Variants in FGF13 observed in about 807,000 individuals in gnomAD.
FGF13 encodes the protein fibroblast growth factor homologous factor 2.
A neutral mutation model predicts 19.5 loss-of-function variants in FGF13; 2 were observed. That is an observed-to-expected ratio of 0.10 (90% CI 0.04 to 0.32). The LOEUF is 0.32. Among genes scored for constraint, FGF13 ranks in the 10% least tolerant of loss-of-function variants. The pLI is 1.00. For missense variants in FGF13, 113 were observed against 192.7 expected, an observed-to-expected ratio of 0.59 and a Z score of 2.45; for synonymous variants, 72 against 76.9, an observed-to-expected ratio of 0.94 and a Z score of 0.33.
chrX:138,812,615 G>C (rs2090934379), intron 3 of FGF13, among the ~76,000 whole-genome samples: 1 of 111,270 alleles, frequency 9.0e-6, no homozygotes, highest in South Asian at 3.8e-4. Flanking sequence ...TTAGACCAAT[G>C]TGATAATACA....
At chrX:138,739,636 G>A (rs752093379), upstream of FGF13, among the ~76,000 whole-genome samples, 3 of 111,957 alleles carry the variant, frequency 2.7e-5, no homozygotes, top group Middle Eastern at 4.6e-3. Context: ...GGATCCCTCA[G>A]CACATTAGAG....
chrX:139,123,273 A>C (rs2083691190), intron 1 of FGF13, among the ~76,000 whole-genome samples: 1 of 111,449 alleles, frequency 9.0e-6, no homozygotes, highest in African/African-American at 3.3e-5. Flanking sequence ...ACCTTCTAAA[A>C]GCTTCTTATT....
At chrX:138,839,812 C>CTAGAAAAA (rs1210724607) in intron 3 of FGF13, among the ~76,000 whole-genome samples, 2 of 111,726 alleles carry the variant, frequency 1.8e-5, no homozygotes, top group Non-Finnish European at 3.8e-5. Flanking sequence ...ATGTAAAAGC[C>CTAGAAAAA]ATCTGGCTTA....
At chrX:138,665,757 A>T (rs1464077093) in intron 3 of FGF13, among the ~76,000 whole-genome samples, 1 of 110,814 alleles carries the variant, frequency 9.0e-6, no homozygotes, top group Non-Finnish European at 1.9e-5. Context: ...GAAAGCCCCT[A>T]CCCTCATGTA....
chrX:138,755,768 G>A (rs889651206), intron 3 of FGF13, among the ~76,000 whole-genome samples: 2 of 112,144 alleles, frequency 1.8e-5, no homozygotes, highest in African/African-American at 6.5e-5. Context: ...GGAGACAAAG[G>A]TTCAGAGAGG....
At chrX:139,004,081 T>C (rs1421567629) in intron 1 of FGF13, among the ~76,000 whole-genome samples, 3 of 112,341 alleles carry the variant, frequency 2.7e-5, no homozygotes, top group Non-Finnish European at 3.8e-5. Context: ...CAGGGGGTGG[T>C]GCTCGTCGGG....
chrX:139,114,703 CATG>C (rs2083626975), intron 1 of FGF13, among the ~76,000 whole-genome samples: 1 of 111,847 alleles, frequency 8.9e-6, no homozygotes, highest in Admixed American at 9.5e-5. Flanking sequence ...AGTTAGTGCT[CATG>C]ATGTTTTCTC....
intron 1 of FGF13, among the ~76,000 whole-genome samples, chrX:139,187,901 C>A (rs147733716): frequency 0.012 from 1,341 of 112,026 alleles, 26 homozygotes; most frequent in African/African-American, 0.041. Flanking sequence ...GAATAATGTA[C>A]TTCCTTCCGT....
chrX:139,199,306 C>T (rs73243320), intron 1 of FGF13, among the ~76,000 whole-genome samples: 4,095 of 109,806 alleles, frequency 0.037, 83 homozygotes, highest in Non-Finnish European at 0.057. Context: ...CATGGTTTTT[C>T]CCCCCTCCTT....
chrX:138,741,598 TCTC>T (rs1602772215), upstream of FGF13, among the ~76,000 whole-genome samples: 1 of 110,915 alleles, frequency 9.0e-6, no homozygotes, highest in African/African-American at 3.3e-5. Context: ...ATCCCCCTAT[TCTC>T]CTCGTCATCA....
In FGF13 at chrX:138,627,354, T is replaced by A. The variant is rs552531656; in HGVS notation, c.*5496A>T. 4.5e-5 allele frequency: 5 copies of A among 111,768 alleles called. No individual in the cohort carries two copies. The South Asian group carries it at 1.9e-3, about 42-fold the overall frequency. 9.2% of individuals were successfully genotyped at this position (111,768 alleles called of 1,213,427 possible). On this transcript the variant is annotated 3_prime_UTR_variant, in exon 5 of 5. Coordinates refer to ENST00000315930, the MANE Select transcript of FGF13 (RefSeq NM_004114.5). ...TTTACACAGCATTAAAAACAAATTA[T>A]TAAGAGCGTACACATTATTACAGTA...
chrX:139,175,460 G>C (rs989330232), intron 1 of FGF13, among the ~76,000 whole-genome samples: 7 of 112,214 alleles, frequency 6.2e-5, no homozygotes, highest in South Asian at 3.8e-4. Context: ...TTCTGAGAGA[G>C]AGCATATTGT....
At chrX:138,767,088 G>A (rs749086465) in intron 3 of FGF13, among the ~76,000 whole-genome samples, 128 of 111,311 alleles carry the variant, frequency 1.1e-3, no homozygotes, top group Non-Finnish European at 1.0e-3. Flanking sequence ...GAGTCTAAGC[G>A]GCTTCAGGGG....
At chrX:138,982,450 A>T (rs759978865) in intron 1 of FGF13, among the ~76,000 whole-genome samples, 1 of 111,948 alleles carries the variant, frequency 8.9e-6, no homozygotes, top group South Asian at 3.7e-4. Context: ...AGAAAACAAA[A>T]GAGGACAAAA....
chrX:138,818,473 G>C (rs1303149542), intron 3 of FGF13, among the ~76,000 whole-genome samples: 2 of 96,668 alleles, frequency 2.1e-5, no homozygotes, highest in African/African-American at 7.6e-5. Flanking sequence ...TACTCCTAAA[G>C]TTATATAAGG....
intron 1 of FGF13, among the ~76,000 whole-genome samples, chrX:139,135,318 C>T (rs746925590): frequency 9.0e-6 from 1 of 111,581 alleles, no homozygotes; most frequent in Non-Finnish European, 1.9e-5. Flanking sequence ...TGGGGCTGAT[C>T]CTCACCTGTT....
At chrX:138,849,374 G>T (rs2091207379) in intron 3 of FGF13, among the ~76,000 whole-genome samples, 1 of 111,984 alleles carries the variant, frequency 8.9e-6, no homozygotes, top group Admixed American at 9.5e-5. Flanking sequence ...GATCAGTGTT[G>T]CATGAAATAT....
intron 2 of FGF13, among the ~76,000 whole-genome samples, chrX:138,704,111 A>G (rs1346364609): frequency 8.9e-6 from 1 of 112,468 alleles, no homozygotes; most frequent in African/African-American, 3.2e-5. Flanking sequence ...TAGGAATAAA[A>G]ATAATGAACT....
At chrX:138,792,304 C>T (rs771890542) in intron 3 of FGF13, among the ~76,000 whole-genome samples, 2 of 112,351 alleles carry the variant, frequency 1.8e-5, no homozygotes, top group South Asian at 3.7e-4. Flanking sequence ...CAAGTTATTA[C>T]GCCTATTCTT....
Sources: allele counts gnomAD v4.1 joint callset (sites outside exome capture counted in the v4.1 genomes callset), GRCh38; gene constraint gnomAD v4.1.1; transcripts MANE v1.5; gene names NCBI Gene and HGNC (gene_info 2026-07-23, HGNC 2026-07-21).